The following RNF111 variants were observed in gnomAD, a reference collection of about 807,000 sequenced individuals.
The protein encoded by RNF111 is ring finger protein 111, also known as E3 ubiquitin-protein ligase Arkadia.
RNF111 carries 17 observed loss-of-function variants against 95.1 expected under a neutral mutation model. That is an observed-to-expected ratio of 0.18 (90% CI 0.12 to 0.27). The LOEUF (loss-of-function observed/expected upper bound fraction) is 0.27, where lower values mean the gene tolerates loss of function less well. RNF111 is among the 10% of genes least tolerant of loss of function. The pLI is 1.00. For missense variants in RNF111, 1,189 were observed against 1,210.4 expected (o/e 0.98, Z 0.26); for synonymous variants, 440 against 414.8 (o/e 1.06, Z -0.74).
intron 5 of RNF111, among the ~76,000 whole-genome samples, chr15:59,066,326 T>C (rs1379392595): frequency 6.6e-6 from 1 of 151,994 alleles, no homozygotes; most frequent in Non-Finnish European, 1.5e-5. Context: ...TATGGCACTA[T>C]CAGCCGGGGT....
At chr15:59,015,370 T>A (rs1596082858) in intron 1 of RNF111, among the ~76,000 whole-genome samples, 1 of 152,178 alleles carries the variant, frequency 6.6e-6, no homozygotes, top group African/African-American at 2.4e-5. Context: ...AGTTTTACAA[T>A]AGTATTGAAA....
At chr15:59,055,009 C>T (rs2042146744) in intron 3 of RNF111, among the ~76,000 whole-genome samples, 1 of 152,126 alleles carries the variant, frequency 6.6e-6, no homozygotes, top group Non-Finnish European at 1.5e-5. Context: ...AGTATATACA[C>T]CTGTAAGTAA....
intron 1 of RNF111, among the ~76,000 whole-genome samples, chr15:58,995,602 C>T (rs1258361974): frequency 6.6e-6 from 1 of 151,690 alleles, no homozygotes; most frequent in South Asian, 2.1e-4. Flanking sequence ...GGATTATAGG[C>T]GCCTGCCACC....
chr15:59,013,906 A>G (rs1415520256), intron 1 of RNF111, among the ~76,000 whole-genome samples: 1 of 151,914 alleles, frequency 6.6e-6, no homozygotes, highest in African/African-American at 2.4e-5. Flanking sequence ...CTTATGCCTC[A>G]GCGTCCCGAG....
At position 59,039,234 on chromosome 15, in the gene RNF111, G is replaced by T. The variant is rs538485092; in HGVS notation, c.880+7532G>T. 2.4e-4 allele frequency among the ~76,000 whole-genome samples: 37 copies of T among 152,222 alleles called. No homozygotes were observed. In the South Asian group the frequency reaches 4.8e-3, roughly 20 times the overall value. On this transcript the variant is annotated intron_variant, in intron 2 of 13. Transcript: ENST00000348370. ...CCGCCTTGGCCTCCCAAAGTGCTGG[G>T]ATTACAGGTGTGAGCCACCACTCCC... is the stretch of plus-strand genomic sequence containing the variant.
At chr15:59,060,561 A>G (rs1474218547) in intron 5 of RNF111, among the ~76,000 whole-genome samples, 1 of 152,186 alleles carries the variant, frequency 6.6e-6, no homozygotes, top group African/African-American at 2.4e-5. Flanking sequence ...TGTGATCCTG[A>G]CAAGTTGAGG....
intron 8 of RNF111, 102 bp from the exon 9 acceptor site, chr15:59,084,027 A>G (rs368798722): frequency 1.1e-6 from 1 of 891,010 alleles, no homozygotes; most frequent in Non-Finnish European, 1.5e-6. Context: ...TAATCTATAG[A>G]TGTTTATAGT....
intron 1 of RNF111, among the ~76,000 whole-genome samples, chr15:58,989,013 G>GA: frequency 6.6e-6 from 1 of 152,130 alleles, no homozygotes; most frequent in Non-Finnish European, 1.5e-5. Flanking sequence ...AACAAACTGG[G>GA]AAAAACATAA....
chr15:59,057,095 A>G (rs1230249666), intron 4 of RNF111, among the ~76,000 whole-genome samples: 1 of 152,160 alleles, frequency 6.6e-6, no homozygotes, highest in Admixed American at 6.5e-5. Context: ...TTCTCCCCCA[A>G]GTGATATTTG....
chr15:59,026,311 G>A lies in RNF111; in HGVS notation c.-19-4493G>A, dbSNP rs534553600. On this transcript the variant is annotated intron_variant, in intron 1 of 13. Coordinates refer to ENST00000348370, the MANE Select transcript of RNF111 (RefSeq NM_017610.8). ...AAGTTAGTATTTTTTTTTAGCTATC[G>A]TATTTTCTTAGTGCAAGGTTTACTA... is the stretch of plus-strand genomic sequence containing the variant. 1.1e-4 allele frequency among the ~76,000 whole-genome samples: 17 copies of A among 151,728 alleles called. No individual in the cohort carries two copies. In the South Asian group the frequency reaches 2.5e-3, roughly 22 times the overall value.
intron 5 of RNF111, among the ~76,000 whole-genome samples, chr15:59,066,387 G>A (rs1163437983): frequency 3.3e-5 from 5 of 152,190 alleles, no homozygotes; most frequent in African/African-American, 1.2e-4. Context: ...GAGGCGGGCA[G>A]ATCACCTGAG....
intron 8 of RNF111, among the ~76,000 whole-genome samples, chr15:59,081,646 C>A (rs1285251493): frequency 6.6e-6 from 1 of 152,106 alleles, no homozygotes; most frequent in Non-Finnish European, 1.5e-5. Flanking sequence ...TAATTTGAGC[C>A]CAGGAGTTCA....
At chr15:59,005,001 G>A (rs1379095851) in intron 1 of RNF111, among the ~76,000 whole-genome samples, 1 of 152,184 alleles carries the variant, frequency 6.6e-6, no homozygotes, top group Admixed American at 6.5e-5. Context: ...TCAGTGAGCA[G>A]AAGGGCAAGC....
chr15:59,005,965 T>C (rs781045596), intron 1 of RNF111, among the ~76,000 whole-genome samples: 2 of 152,346 alleles, frequency 1.3e-5, no homozygotes, highest in East Asian at 1.9e-4. Flanking sequence ...TTTAAATCAA[T>C]GCATTTTGAG....
intron 10 of RNF111, among the ~76,000 whole-genome samples, chr15:59,088,910 C>A (rs1295832097): frequency 6.6e-6 from 1 of 152,186 alleles, no homozygotes; most frequent in Non-Finnish European, 1.5e-5. Context: ...CACTTCAGCT[C>A]TATGCTTGGG....
chr15:59,031,944 C>A (rs2040930489), intron 2 of RNF111, among the ~76,000 whole-genome samples: 1 of 149,908 alleles, frequency 6.7e-6, no homozygotes, highest in African/African-American at 2.4e-5. Context: ...CCCTTCATTA[C>A]TTTTTTTTTT....
chr15:58,994,708 C>CT (rs2038974439), intron 1 of RNF111, among the ~76,000 whole-genome samples: 1 of 152,046 alleles, frequency 6.6e-6, no homozygotes. Context: ...AAACCCATGA[C>CT]TTTAAGTGAT....
At chr15:59,049,082 C>T (rs913152262) in intron 2 of RNF111, among the ~76,000 whole-genome samples, 1 of 152,064 alleles carries the variant, frequency 6.6e-6, no homozygotes, top group Non-Finnish European at 1.5e-5. Flanking sequence ...GACCCTGTCT[C>T]ACACACACAC....
intron 2 of RNF111, among the ~76,000 whole-genome samples, chr15:59,039,145 G>T (rs1347263508): frequency 9.9e-5 from 15 of 151,970 alleles, no homozygotes; most frequent in African/African-American, 3.6e-4. Flanking sequence ...TTTATTTTTA[G>T]TAGAGATGAG....
Sources: allele counts gnomAD v4.1 joint callset (sites outside exome capture counted in the v4.1 genomes callset), GRCh38; gene constraint gnomAD v4.1.1; transcripts MANE v1.5; gene names NCBI Gene and HGNC (gene_info 2026-07-23, HGNC 2026-07-21).